The following RERE variants were observed in gnomAD, a reference collection of about 807,000 sequenced individuals.
RERE encodes the protein arginine-glutamic acid dipeptide repeats protein.
Under a neutral mutation model 146.1 loss-of-function variants are expected in RERE, and 40 were observed. The observed-to-expected ratio is 0.27, with a 90% CI of 0.21 to 0.36. RERE has a LOEUF of 0.36. Among genes scored for constraint, RERE ranks in the 10% least tolerant of loss-of-function variants. The probability of loss-of-function intolerance (pLI) is 1.00; values close to 1 mark genes in which losing one functional copy is unlikely to be tolerated. For synonymous variants in RERE, 1,003 were observed against 866.0 expected (o/e 1.16, Z -2.78); for missense variants, 1,933 against 2,138.7 (o/e 0.90, Z 1.90).
At chr1:8,766,917 GTTATGT>G (rs375128944) in intron 1 of RERE, among the ~76,000 whole-genome samples, 1,800 of 152,266 alleles carry the variant, frequency 0.012, 19 homozygotes, top group Middle Eastern at 0.037. Flanking sequence ...TTTAATGTTA[GTTATGT>G]TTATAAGTAG....
At chr1:8,419,764 G>A (rs956513398) in intron 12 of RERE, among the ~76,000 whole-genome samples, 1 of 152,210 alleles carries the variant, frequency 6.6e-6, no homozygotes, top group African/African-American at 2.4e-5. Flanking sequence ...TTAAAGGACA[G>A]AGGGGATGAA....
rs569854939 is a variant in RERE at position 8,588,521 on chromosome 1, A to T, written c.522+26040T>A. ...CATCCCACTGACTCTATGAGGAGTGACCCCCTGACCCAAAAGGCAGCCAAA... is the reference window on the plus strand; with the variant it reads ...CATCCCACTGACTCTATGAGGAGTGTCCCCCTGACCCAAAAGGCAGCCAAA... On this transcript the variant is annotated intron_variant, in intron 4 of 22. Coordinates refer to ENST00000400908, the MANE Select transcript of RERE (RefSeq NM_001042681.2). Among the ~76,000 whole-genome samples, 9 of 152,232 alleles carry T rather than the reference A, an allele frequency of 5.9e-5. No homozygotes were observed. In the East Asian group the frequency reaches 1.5e-3, roughly 26 times the overall value.
intron 1 of RERE, among the ~76,000 whole-genome samples, chr1:8,687,621 T>C (rs1343131923): frequency 1.3e-5 from 2 of 152,188 alleles, no homozygotes; most frequent in Non-Finnish European, 2.9e-5. Flanking sequence ...TATTTGAATA[T>C]ACAATACTTG....
At chr1:8,374,036 T>A (rs1450828564) in intron 12 of RERE, among the ~76,000 whole-genome samples, 1 of 152,194 alleles carries the variant, frequency 6.6e-6, no homozygotes, top group Non-Finnish European at 1.5e-5. Flanking sequence ...GGTCTCTGAG[T>A]GCAGCAGGGA....
intron 1 of RERE, among the ~76,000 whole-genome samples, chr1:8,715,541 C>T (rs1474769119): frequency 6.6e-6 from 1 of 151,768 alleles, no homozygotes; most frequent in Non-Finnish European, 1.5e-5. Flanking sequence ...ACATTCAATA[C>T]TGATTTAACC....
intron 4 of RERE, among the ~76,000 whole-genome samples, chr1:8,563,411 C>G (rs1646101619): frequency 2.6e-5 from 4 of 152,104 alleles, no homozygotes; most frequent in Admixed American, 2.6e-4. Flanking sequence ...GTAAATTCAC[C>G]TACGATACAG....
At position 8,659,297 on chromosome 1, in the gene RERE, C is replaced by T. The variant is rs187825516; in HGVS notation, c.-144-2856G>A. ...TCAGGCCAGGGGCGGTGGCTCATGC[C>T]TGTCATCCCAGCACTTTGGGAGGCT... On this transcript the variant is annotated intron_variant, in intron 1 of 22. Transcript: ENST00000400908. Among the ~76,000 whole-genome samples the T allele has an allele frequency of 3.3e-3, 499 of 152,358 alleles. 1 individual carries two copies. The highest frequency in any genetic ancestry group is 0.011 in the African/African-American group (472 of 41,586).
rs368393379 is a variant in RERE at position 8,405,761 on chromosome 1, C to A, written c.1284+16966G>T. Among the ~76,000 whole-genome samples the A allele has an allele frequency of 5.5e-4, 84 of 152,012 alleles. 2 individuals are homozygous for A. In the South Asian group the frequency reaches 0.017, roughly 31 times the overall value. On this transcript the variant is annotated intron_variant, in intron 12 of 22. Transcript: ENST00000400908. ...TCAAGCGATTCTCCTGCCTCATTTT[C>A]CTGAGTAGCTGGGACTACATGCACA... is the stretch of plus-strand genomic sequence containing the variant.
At chr1:8,595,570 T>C (rs1213483117) in intron 4 of RERE, among the ~76,000 whole-genome samples, 6 of 151,930 alleles carry the variant, frequency 3.9e-5, no homozygotes, top group African/African-American at 1.4e-4. Flanking sequence ...TATGTACATA[T>C]TTTCCTGTCA....
intron 10 of RERE, among the ~76,000 whole-genome samples, chr1:8,485,316 G>T (rs1274922395): frequency 1.3e-5 from 2 of 152,096 alleles, no homozygotes; most frequent in African/African-American, 4.8e-5. Context: ...AGCCGAGATC[G>T]TGCCATCGCA....
At chr1:8,813,551 T>C (rs1405177897) in intron 1 of RERE, among the ~76,000 whole-genome samples, 1 of 152,124 alleles carries the variant, frequency 6.6e-6, no homozygotes, top group Non-Finnish European at 1.5e-5. Flanking sequence ...TTCTGTTCAG[T>C]ATCTGTTCAG....
chr1:8,556,366 A>T (rs1388868791), intron 6 of RERE, 109 bp downstream of exon 6: 9 of 668,302 alleles, frequency 1.3e-5, no homozygotes, highest in Middle Eastern at 2.5e-4. Flanking sequence ...AGGCCAAAAG[A>T]GGAGTCTGAT....
intron 2 of RERE, among the ~76,000 whole-genome samples, chr1:8,650,941 A>G (rs1647596545): frequency 6.6e-6 from 1 of 151,032 alleles, no homozygotes; most frequent in Non-Finnish European, 1.5e-5. Context: ...AAATAAATAA[A>G]AATAAATTAG....
chr1:8,758,750 G>A (rs1376905055), intron 1 of RERE, among the ~76,000 whole-genome samples: 1 of 151,736 alleles, frequency 6.6e-6, no homozygotes, highest in South Asian at 2.1e-4. Context: ...ATTTCAGTGA[G>A]GAGGAATAAG....
chr1:8,492,608 C>T (rs1644993141), intron 10 of RERE, among the ~76,000 whole-genome samples: 1 of 151,856 alleles, frequency 6.6e-6, no homozygotes, highest in Admixed American at 6.6e-5. Context: ...AAAAATAAAA[C>T]TTAAAAAAAG....
At chr1:8,693,397 G>C (rs1639251199) in intron 1 of RERE, among the ~76,000 whole-genome samples, 1 of 152,302 alleles carries the variant, frequency 6.6e-6, no homozygotes, top group South Asian at 2.1e-4. Flanking sequence ...CTACATGATG[G>C]AATATTATCA....
At chr1:8,459,287 G>C (rs988134867) in intron 11 of RERE, among the ~76,000 whole-genome samples, 1 of 152,042 alleles carries the variant, frequency 6.6e-6, no homozygotes, top group Non-Finnish European at 1.5e-5. Context: ...ACATAATATG[G>C]AGTAATATGT....
chr1:8,569,189 A>C (rs1570450655), intron 4 of RERE, among the ~76,000 whole-genome samples: 2 of 152,192 alleles, frequency 1.3e-5, no homozygotes, highest in Middle Eastern at 6.8e-3. Flanking sequence ...AGAGTGTAAT[A>C]AGAAATTGTC....
At chr1:8,578,097 A>G (rs112561205) in intron 4 of RERE, among the ~76,000 whole-genome samples, 111 of 150,092 alleles carry the variant, frequency 7.4e-4, no homozygotes, top group African/African-American at 2.6e-3. Flanking sequence ...TCCGGGAAAG[A>G]AAAAAAAAAG....
Sources: allele counts gnomAD v4.1 joint callset (sites outside exome capture counted in the v4.1 genomes callset), GRCh38; gene constraint gnomAD v4.1.1; transcripts MANE v1.5; gene names NCBI Gene and HGNC (gene_info 2026-07-23, HGNC 2026-07-21).